PREP: variants seen among roughly 807,000 people sequenced by gnomAD.
The protein encoded by PREP is dJ355L5.1 (prolyl endopeptidase).
A neutral mutation model predicts 87.6 loss-of-function variants in PREP; 29 were observed. That is an observed-to-expected ratio of 0.33 (90% CI 0.25 to 0.45). PREP has a LOEUF of 0.45. Ranked by LOEUF, PREP falls within the 20% of genes least tolerant of loss-of-function variation. The pLI is 1.00. For missense variants in PREP, 695 were observed against 886.5 expected, an observed-to-expected ratio of 0.78 and a Z score of 2.74; for synonymous variants, 337 against 328.6, an observed-to-expected ratio of 1.03 and a Z score of -0.28.
chr6:105,322,652 C>G (rs191182761), intron 10 of PREP: 102 of 989,524 alleles, frequency 1.0e-4, no homozygotes, highest in Non-Finnish European at 1.2e-4. Flanking sequence ...AAAGCAACCA[C>G]AGGCAATATG....
Position 105,352,994 on chromosome 6 carries a change from C to A in PREP, c.801G>T (p.Gln267His). The A allele has an allele frequency of 6.2e-7, 1 of 1,613,798 alleles. No homozygotes were observed. The highest frequency in any genetic ancestry group is 8.5e-7 in the Non-Finnish European group (1 of 1,179,754). ...PVNRLWYCDL[Q>H]QESSGIAGIL... The stretch of plus-strand genomic sequence containing the variant: ...CACCCGCGATGCCACTGGATTCCTG[C>A]TGTAGGTCACAGTACCAGAGTCGGT... The change falls in exon 7 of 15, where the codon CAG (glutamine) becomes CAT (histidine). Residue 267 changes from glutamine to histidine, a missense_variant. Physicochemically the swap from Gln to His is conservative, Grantham distance 24. This residue lies in a region of PREP where 517 missense variants were observed against 620.3 expected (regional missense o/e 0.83). Coordinates refer to ENST00000652536, the MANE Select transcript of PREP (RefSeq NM_002726.5).
At chr6:105,383,375 TCA>T (rs1772899839) in intron 2 of PREP, among the ~76,000 whole-genome samples, 1 of 151,928 alleles carries the variant, frequency 6.6e-6, no homozygotes, top group South Asian at 2.1e-4. Flanking sequence ...CTTGTTCAGG[TCA>T]CAGTTTTGAC....
intron 2 of PREP, among the ~76,000 whole-genome samples, chr6:105,396,660 C>T (rs1178944965): frequency 6.6e-6 from 1 of 151,622 alleles, no homozygotes. Context: ...TGAAGACTGG[C>T]CTGAAAAACT....
At chr6:105,394,866 T>C (rs1397159195) in intron 2 of PREP, among the ~76,000 whole-genome samples, 1 of 152,118 alleles carries the variant, frequency 6.6e-6, no homozygotes, top group Non-Finnish European at 1.5e-5. Context: ...TACCTGAGAA[T>C]GGAGAAGAGA....
At chr6:105,352,822 T>C in intron 7 of PREP, 150 bp downstream of exon 7, 1 of 642,596 alleles carries the variant, frequency 1.6e-6, no homozygotes, top group Admixed American at 2.7e-5. Flanking sequence ...CCTCATTTTA[T>C]GGAATAGTAC....
intron 2 of PREP, among the ~76,000 whole-genome samples, chr6:105,383,854 C>T (rs1487986482): frequency 6.6e-6 from 1 of 152,018 alleles, no homozygotes; most frequent in Non-Finnish European, 1.5e-5. Context: ...CTTTCCTGAC[C>T]AAAAACCTGG....
At chr6:105,350,226 A>G (rs1353139741) in intron 7 of PREP, among the ~76,000 whole-genome samples, 1 of 152,192 alleles carries the variant, frequency 6.6e-6, no homozygotes, top group Non-Finnish European at 1.5e-5. Context: ...AGAAAAAAAG[A>G]AGGAATACTT....
chr6:105,306,122 C>A (rs577147167), intron 10 of PREP, among the ~76,000 whole-genome samples: 1 of 152,112 alleles, frequency 6.6e-6, no homozygotes, highest in South Asian at 2.1e-4. Context: ...GGATTACAAG[C>A]GTGAGCCACC....
At chr6:105,331,469 C>T (rs1020610449) in intron 8 of PREP, among the ~76,000 whole-genome samples, 1 of 152,186 alleles carries the variant, frequency 6.6e-6, no homozygotes, top group African/African-American at 2.4e-5. Flanking sequence ...GTGTCCTATA[C>T]AAGAATCACT....
At chr6:105,352,116 T>C (rs1771972546) in intron 7 of PREP, among the ~76,000 whole-genome samples, 1 of 152,222 alleles carries the variant, frequency 6.6e-6, no homozygotes, top group African/African-American at 2.4e-5. Flanking sequence ...ACTTAGTATT[T>C]TGAAAATCTA....
chr6:105,375,791 C>G (rs1050520839), intron 4 of PREP, among the ~76,000 whole-genome samples: 1 of 152,144 alleles, frequency 6.6e-6, no homozygotes, highest in Admixed American at 6.5e-5. Context: ...TAGAAGACGA[C>G]TTATTTTTTT....
intron 12 of PREP, among the ~76,000 whole-genome samples, chr6:105,285,083 C>T (rs1244109758): frequency 6.6e-6 from 1 of 152,084 alleles, no homozygotes; most frequent in Non-Finnish European, 1.5e-5. Context: ...GAGAAAATGA[C>T]CTGCCTTGAC....
At chr6:105,330,273 C>T (rs981651140) in intron 8 of PREP, among the ~76,000 whole-genome samples, 3 of 152,040 alleles carry the variant, frequency 2.0e-5, no homozygotes, top group Non-Finnish European at 4.4e-5. Flanking sequence ...TGGAAGTCTA[C>T]GGAGGGGAGA....
intron 6 of PREP, 113 bp from the exon 7 acceptor site, chr6:105,353,190 C>T (rs2114684304): frequency 2.7e-6 from 2 of 752,386 alleles, no homozygotes; most frequent in Non-Finnish European, 4.3e-6. Context: ...AGTGTCTCTG[C>T]CCCAAACTCA....
intron 6 of PREP, among the ~76,000 whole-genome samples, chr6:105,367,611 G>T (rs1772420453): frequency 1.3e-5 from 2 of 150,128 alleles, no homozygotes; most frequent in Non-Finnish European, 3.0e-5. Context: ...GGCAGAGCTT[G>T]CAGTGAGCCG....
chr6:105,324,157 T>C (rs997084219), intron 9 of PREP, among the ~76,000 whole-genome samples: 2 of 152,210 alleles, frequency 1.3e-5, no homozygotes, highest in African/African-American at 4.8e-5. Flanking sequence ...GTAGACTTCA[T>C]CTAGTGCCAT....
chr6:105,324,272 C>T lies in PREP; in HGVS notation c.1214-504G>A, dbSNP rs78534948. On this transcript the variant is annotated intron_variant, in intron 9 of 14. Transcript: ENST00000652536. ...CTCTGGGGCTCCTGCTACCTGGCAC[C>T]TACCTATCTGTGGACACTCATGTGG... is the stretch of plus-strand genomic sequence containing the variant. Among the ~76,000 whole-genome samples the T allele has an allele frequency of 9.3e-3, 1,412 of 152,202 alleles. 25 individuals carry two copies. The highest frequency in any genetic ancestry group is 0.033 in the African/African-American group (1,350 of 41,506).
chr6:105,274,963 T>C lies in PREP; in HGVS notation c.*3181A>G, dbSNP rs77623987. Among the ~76,000 whole-genome samples the C allele has an allele frequency of 3.0e-3, 459 of 152,212 alleles. 11 individuals carry two copies. In the East Asian group the frequency reaches 0.043, roughly 14 times the overall value. The stretch of plus-strand genomic sequence containing the variant: ...ACAGGGTAAACATGAGCAAGATAAT[T>C]TACCATCTGTCTCCTCCCTGGAATA... On this transcript the variant is annotated 3_prime_UTR_variant, in exon 15 of 15. Transcript: ENST00000652536.
At chr6:105,322,563 A>C (rs1771039536) in intron 10 of PREP, 2 of 986,304 alleles carry the variant, frequency 2.0e-6, no homozygotes. Flanking sequence ...GATTCTGCAA[A>C]CTTTTTCTTA....
Sources: allele counts gnomAD v4.1 joint callset (sites outside exome capture counted in the v4.1 genomes callset), GRCh38; gene constraint gnomAD v4.1.1; regional missense constraint gnomAD v4.1.1; transcripts MANE v1.5; gene names NCBI Gene and HGNC (gene_info 2026-07-23, HGNC 2026-07-21).